ULK4: variants seen among roughly 807,000 people sequenced by gnomAD.
ULK4 encodes the protein inactive serine/threonine-protein kinase ULK4.
A neutral mutation model predicts 160.6 loss-of-function variants in ULK4; 133 were observed. The ratio of observed to expected loss-of-function variants is 0.83; its 90% CI spans 0.72 to 0.96. ULK4 has a LOEUF of 0.96. Ranked by LOEUF, ULK4 falls within the 40% of genes least tolerant of loss-of-function variation. The pLI, the probability that ULK4 is intolerant of heterozygous loss-of-function variation, is 0.00. For missense variants in ULK4, 1,580 were observed against 1,499.5 expected (o/e 1.05, Z -0.89); for synonymous variants, 534 against 539.8 (o/e 0.99, Z 0.15).
At chr3:41,923,768 C>G (rs1050325585) in intron 5 of ULK4, among the ~76,000 whole-genome samples, 1 of 152,214 alleles carries the variant, frequency 6.6e-6, no homozygotes, top group Non-Finnish European at 1.5e-5. Flanking sequence ...GAACCCTAAC[C>G]TGTAGGTAGA....
intron 35 of ULK4, among the ~76,000 whole-genome samples, chr3:41,275,220 G>A (rs1353457130): frequency 1.3e-5 from 2 of 152,156 alleles, no homozygotes; most frequent in East Asian, 1.9e-4. Flanking sequence ...TGGGCTTTGG[G>A]GATCCTCTGG....
intron 19 of ULK4, among the ~76,000 whole-genome samples, chr3:41,818,788 T>A (rs561108376): frequency 6.6e-6 from 1 of 152,348 alleles, no homozygotes; most frequent in East Asian, 1.9e-4. Context: ...TGAAACAATG[T>A]CAAATGATTT....
intron 32 of ULK4, among the ~76,000 whole-genome samples, chr3:41,483,126 TTGTACC>T (rs2084386016): frequency 6.6e-6 from 1 of 152,196 alleles, no homozygotes; most frequent in Non-Finnish European, 1.5e-5. Flanking sequence ...TCTCTTTTTT[TTGTACC>T]TGTTAACCAT....
intron 32 of ULK4, among the ~76,000 whole-genome samples, chr3:41,549,692 A>T (rs192981034): frequency 2.3e-4 from 35 of 152,236 alleles, no homozygotes; most frequent in Admixed American, 2.0e-3. Flanking sequence ...AGGAAGCTCA[A>T]ATATTGCCAA....
At chr3:41,918,410 A>C in intron 7 of ULK4, 47 bp downstream of exon 7, 1 of 1,329,564 alleles carries the variant, frequency 7.5e-7, no homozygotes, top group Non-Finnish European at 1.0e-6. Flanking sequence ...TACACCTTTA[A>C]TCAGTGTAAA....
At chr3:41,798,315 T>C (rs2125601910) in intron 20 of ULK4, among the ~76,000 whole-genome samples, 1 of 152,346 alleles carries the variant, frequency 6.6e-6, no homozygotes, top group East Asian at 1.9e-4. Flanking sequence ...TAAAATATTA[T>C]TCAAAGGTGC....
chr3:41,343,295 C>CTTTTTTTTTT (rs55691966), intron 35 of ULK4, among the ~76,000 whole-genome samples: 1 of 85,334 alleles, frequency 1.2e-5, no homozygotes, highest in African/African-American at 4.5e-5. Flanking sequence ...AGCCCAAAAA[C>CTTTTTTTTTT]TTTTTTTTTT....
intron 34 of ULK4, among the ~76,000 whole-genome samples, chr3:41,439,977 C>T (rs1010418209): frequency 2.4e-4 from 36 of 152,100 alleles, no homozygotes; most frequent in African/African-American, 6.8e-4. Context: ...TATTGCAAAA[C>T]GCATTACTTA....
chr3:41,497,347 A>G (rs1175747488), intron 32 of ULK4, among the ~76,000 whole-genome samples: 4 of 152,080 alleles, frequency 2.6e-5, no homozygotes, highest in Non-Finnish European at 5.9e-5. Context: ...GAAACATTTG[A>G]TTTTTTAAAA....
chr3:41,672,688 A>T (rs1008813516), intron 29 of ULK4, among the ~76,000 whole-genome samples: 1 of 152,188 alleles, frequency 6.6e-6, no homozygotes. Context: ...TAAAATAGCT[A>T]AAAGAGAGAA....
chr3:41,353,970 T>C, intron 35 of ULK4, among the ~76,000 whole-genome samples: 1 of 152,208 alleles, frequency 6.6e-6, no homozygotes, highest in South Asian at 2.1e-4. Context: ...CTACCTAGTG[T>C]CTCAGAGACC....
At chr3:41,642,873 G>A (rs1481591315) in intron 30 of ULK4, among the ~76,000 whole-genome samples, 1 of 152,118 alleles carries the variant, frequency 6.6e-6, no homozygotes, top group Non-Finnish European at 1.5e-5. Context: ...ACTTTTTAAT[G>A]ATCGCCATTC....
At chr3:41,831,781 T>G (rs1280398191) in intron 18 of ULK4, among the ~76,000 whole-genome samples, 2 of 152,040 alleles carry the variant, frequency 1.3e-5, no homozygotes, top group African/African-American at 4.8e-5. Context: ...CTCCCATTTG[T>G]GAGTGAGAAT....
chr3:41,661,114 G>T (rs1164952979), intron 30 of ULK4, among the ~76,000 whole-genome samples: 1 of 152,272 alleles, frequency 6.6e-6, no homozygotes, highest in African/African-American at 2.4e-5. Context: ...ATTGAAGGTT[G>T]AAGGCTGTGT....
At chr3:41,780,709 G>A (rs1384868194) in intron 21 of ULK4, among the ~76,000 whole-genome samples, 1 of 152,180 alleles carries the variant, frequency 6.6e-6, no homozygotes, top group Non-Finnish European at 1.5e-5. Flanking sequence ...AGCTTCCAGA[G>A]TTTCCATAGA....
intron 2 of ULK4, among the ~76,000 whole-genome samples, chr3:41,954,109 CACAGT>C (rs1320903014): frequency 6.8e-6 from 1 of 148,124 alleles, no homozygotes; most frequent in African/African-American, 2.5e-5. Context: ...ACCCGGGAGG[CACAGT>C]GCAGTGAAGC....
intron 20 of ULK4, among the ~76,000 whole-genome samples, chr3:41,796,964 A>G (rs1025249649): frequency 6.6e-6 from 1 of 152,186 alleles, no homozygotes; most frequent in Non-Finnish European, 1.5e-5. Context: ...GTCATCTTGA[A>G]GGGATCCCAC....
chr3:41,770,491 T>G (rs145258944), intron 21 of ULK4, among the ~76,000 whole-genome samples: 2 of 151,458 alleles, frequency 1.3e-5, no homozygotes, highest in African/African-American at 4.9e-5. Flanking sequence ...AACGTATACA[T>G]TGATTTTATA....
At chr3:41,607,103 A>G (rs1232623014) in intron 31 of ULK4, among the ~76,000 whole-genome samples, 1 of 152,086 alleles carries the variant, frequency 6.6e-6, no homozygotes, top group Non-Finnish European at 1.5e-5. Context: ...TTAAGTCTTT[A>G]ATCCATTTTG....
Sources: allele counts gnomAD v4.1 joint callset (sites outside exome capture counted in the v4.1 genomes callset), GRCh38; gene constraint gnomAD v4.1.1; transcripts MANE v1.5; gene names NCBI Gene and HGNC (gene_info 2026-07-23, HGNC 2026-07-21).